CDK12: variants seen among roughly 807,000 people sequenced by gnomAD.
CDK12 encodes the protein cyclin-dependent kinase 12.
A neutral mutation model predicts 133.8 loss-of-function variants in CDK12; 17 were observed. The observed-to-expected ratio is 0.13, with a 90% CI of 0.09 to 0.19. The LOEUF is 0.19. Among genes scored for constraint, CDK12 ranks in the 10% least tolerant of loss-of-function variants. The pLI, the probability that CDK12 is intolerant of heterozygous loss-of-function variation, is 1.00. For synonymous variants in CDK12, 694 were observed against 683.6 expected, an observed-to-expected ratio of 1.02 and a Z score of -0.24; for missense variants, 1,508 against 1,818.7, an observed-to-expected ratio of 0.83 and a Z score of 3.11.
At chr17:39,515,658 T>C in intron 8 of CDK12, 73 bp from the exon 9 acceptor site, 3 of 948,478 alleles carry the variant, frequency 3.2e-6, no homozygotes, top group Non-Finnish European at 5.0e-6. Flanking sequence ...ATCAATAATG[T>C]AAAAATTTTT....
chr17:39,462,001 G>A lies in CDK12; in HGVS notation c.-71G>A, dbSNP rs1025569325. ...TTGGTGGGCGTGGAGTTGGGGTTGG[G>A]GGGGTGGGTGGGGGTTGCTTTTTGG... On this transcript the variant is annotated 5_prime_UTR_variant, in exon 1 of 14. Transcript: ENST00000447079. 1 of 1,265,018 alleles carries A rather than the reference G, an allele frequency of 7.9e-7. No individual in the cohort carries two copies. Among genetic ancestry groups the A allele is most frequent in the Non-Finnish European group, 1.1e-6 (1 of 912,440 alleles). 78.4% of individuals were successfully genotyped at this position (1,265,018 alleles called of 1,614,324 possible).
intron 3 of CDK12, among the ~76,000 whole-genome samples, chr17:39,562,836 C>T (rs2056420110): frequency 6.7e-6 from 1 of 150,152 alleles, no homozygotes; most frequent in Non-Finnish European, 1.5e-5. Context: ...ACGCATTTTC[C>T]TCTCTCATTT....
Position 39,462,269 on chromosome 17 carries a change from T to C in CDK12, c.198T>C (p.Val66=), listed in dbSNP as rs2144856604. 6.2e-7 allele frequency: 1 copy of C among 1,614,192 alleles called. No homozygotes were observed. The highest frequency in any genetic ancestry group is 8.5e-7 in the Non-Finnish European group (1 of 1,180,040). The change falls in exon 1 of 14, where the codon GTT becomes GTC. Residue 66 remains valine (V), a synonymous_variant. Coordinates refer to ENST00000447079, the MANE Select transcript of CDK12 (RefSeq NM_016507.4). The part of the protein sequence containing the change: ...VTPEAASLGT[V]IKPLVEYDDI... ...CCGAAGCAGCATCCCTGGGCACAGT[T>C]ATCAAACCTTTGGTGGAGTATGATG... is the stretch of plus-strand genomic sequence containing the variant.
At position 39,532,326 on chromosome 17, in the gene CDK12, G is replaced by T. The variant is rs115460065; in HGVS notation, c.*1010G>T. The T allele has an allele frequency of 7.4e-3, 1,727 of 233,228 alleles. 30 individuals carry two copies. The highest frequency in any genetic ancestry group is 0.036 in the African/African-American group (1,617 of 45,404). 14.4% of individuals were successfully genotyped at this position (233,228 alleles called of 1,614,324 possible). On this transcript the variant is annotated 3_prime_UTR_variant, in exon 14 of 14. Transcript: ENST00000447079. ...TAAAATGTTTTGTTTTTTAAACCATGTTCTGATGGGGAAGTTGATTTGTAA... is the reference window on the plus strand; with the variant it reads ...TAAAATGTTTTGTTTTTTAAACCATTTTCTGATGGGGAAGTTGATTTGTAA...
downstream of CDK12, among the ~76,000 whole-genome samples, chr17:39,566,761 A>G (rs972629404): frequency 6.6e-6 from 1 of 152,198 alleles, no homozygotes; most frequent in African/African-American, 2.4e-5. Flanking sequence ...GAAGGGGCTG[A>G]GAATTCCAAC....
upstream of CDK12, among the ~76,000 whole-genome samples, chr17:39,544,856 C>T (rs922576161): frequency 6.6e-6 from 1 of 152,022 alleles, no homozygotes; most frequent in African/African-American, 2.4e-5. Context: ...TCTCCAACTC[C>T]CGACCTCAGG....
intron 4 of CDK12, among the ~76,000 whole-genome samples, chr17:39,493,346 C>A (rs1174751315): frequency 6.6e-6 from 1 of 151,464 alleles, no homozygotes; most frequent in Non-Finnish European, 1.5e-5. Flanking sequence ...GCGCTGTCAT[C>A]CAGTCTGGAG....
At chr17:39,463,142 T>G in intron 1 of CDK12, 25 bp downstream of exon 1, 6 of 1,598,466 alleles carry the variant, frequency 3.8e-6, no homozygotes, top group Non-Finnish European at 5.1e-6. Context: ...TAACAGTCCT[T>G]CCTCATTTAG....
At chr17:39,561,972 C>T (rs2056390048) in intron 3 of CDK12, among the ~76,000 whole-genome samples, 3 of 152,136 alleles carry the variant, frequency 2.0e-5, no homozygotes, top group South Asian at 2.1e-4. Flanking sequence ...TGGAGTCTTG[C>T]CCTGTCACCC....
chr17:39,513,283 T>C (rs12952384), intron 8 of CDK12, among the ~76,000 whole-genome samples: 95,922 of 152,080 alleles, frequency 0.63, 32,980 homozygotes, highest in South Asian at 0.89. Context: ...CATATATACT[T>C]CCCAGTGGAG....
chr17:39,510,206 G>A (rs911375909), intron 7 of CDK12, among the ~76,000 whole-genome samples: 1 of 139,656 alleles, frequency 7.2e-6, no homozygotes, highest in Non-Finnish European at 1.5e-5. Flanking sequence ...TGCAACCTCC[G>A]CCTCTTGGGT....
intron 1 of CDK12, among the ~76,000 whole-genome samples, chr17:39,464,884 C>A (rs1377159890): frequency 6.6e-6 from 1 of 150,620 alleles, no homozygotes; most frequent in East Asian, 2.0e-4. Context: ...CCTAGGAAGT[C>A]AAGGCTGCAG....
rs781051442 is a variant in CDK12 at position 39,462,446 on chromosome 17, T to A, written c.375T>A (p.Ala125=). The change falls in exon 1 of 14, where the codon GCT becomes GCA. Residue 125 remains alanine, a synonymous_variant. Coordinates refer to ENST00000447079, the MANE Select transcript of CDK12 (RefSeq NM_016507.4). ...GGCGTTCCCGGGACTTACTAAAAGC[T>A]AAACAGACCGAAAAAGAAAAAAGCC... ...QHRRSRDLLK[A]KQTEKEKSQE... 1.9e-6 allele frequency: 3 copies of A among 1,613,868 alleles called. No individual in the cohort carries two copies. In the South Asian group the frequency reaches 3.3e-5, roughly 18 times the overall value.
intron 3 of CDK12, among the ~76,000 whole-genome samples, chr17:39,491,470 C>G (rs570754518): frequency 3.7e-4 from 57 of 152,162 alleles, no homozygotes; most frequent in African/African-American, 9.1e-4. Flanking sequence ...CTCTTGACCT[C>G]AGGTAATCCA....
intron 10 of CDK12, among the ~76,000 whole-genome samples, chr17:39,518,250 T>A (rs932464604): frequency 6.6e-6 from 1 of 152,126 alleles, no homozygotes; most frequent in African/African-American, 2.4e-5. Context: ...GTGCTGGGAT[T>A]ATAGGCGTGA....
intron 10 of CDK12, among the ~76,000 whole-genome samples, chr17:39,518,730 T>C (rs2053970826): frequency 6.6e-6 from 1 of 152,008 alleles, no homozygotes; most frequent in Non-Finnish European, 1.5e-5. Context: ...AGTTAATTTT[T>C]GTATTTTTAG....
intron 5 of CDK12, among the ~76,000 whole-genome samples, chr17:39,495,758 G>A (rs1267751146): frequency 6.8e-6 from 1 of 146,778 alleles, no homozygotes; most frequent in Admixed American, 6.9e-5. Flanking sequence ...TCGTGCCACT[G>A]CACTCCAGCC....
intron 5 of CDK12, among the ~76,000 whole-genome samples, chr17:39,498,646 C>T (rs1443535909): frequency 6.6e-6 from 1 of 152,162 alleles, no homozygotes; most frequent in Non-Finnish European, 1.5e-5. Flanking sequence ...TCTCTTGCCT[C>T]AGCCTCCCAA....
At chr17:39,510,438 C>T (rs2053428058) in intron 7 of CDK12, among the ~76,000 whole-genome samples, 1 of 151,384 alleles carries the variant, frequency 6.6e-6, no homozygotes, top group African/African-American at 2.4e-5. Flanking sequence ...CTTTTTTATT[C>T]CTAGATGTTC....
Sources: allele counts gnomAD v4.1 joint callset (sites outside exome capture counted in the v4.1 genomes callset), GRCh38; gene constraint gnomAD v4.1.1; transcripts MANE v1.5; gene names NCBI Gene and HGNC (gene_info 2026-07-23, HGNC 2026-07-21).